Variants in THEMIS observed in about 807,000 individuals in gnomAD.
THEMIS encodes the protein protein THEMIS.
In THEMIS, 37 loss-of-function variants were observed where a neutral mutation model predicts 52.6. The ratio of observed to expected loss-of-function variants is 0.70; its 90% CI spans 0.54 to 0.93. The LOEUF is 0.93. Ranked by LOEUF, THEMIS falls within the 40% of genes least tolerant of loss-of-function variation. THEMIS has a pLI of 0.00. For synonymous variants in THEMIS, 292 were observed against 272.7 expected, an observed-to-expected ratio of 1.07 and a Z score of -0.70; for missense variants, 808 against 763.1, an observed-to-expected ratio of 1.06 and a Z score of -0.69.
intron 1 of THEMIS, among the ~76,000 whole-genome samples, chr6:127,890,038 C>G (rs1281866468): frequency 6.6e-6 from 1 of 152,050 alleles, no homozygotes; most frequent in Admixed American, 6.6e-5. Context: ...CTGCCAAAAT[C>G]AGATTTAGGA....
At chr6:127,738,206 G>A (rs1168513978) in intron 4 of THEMIS, among the ~76,000 whole-genome samples, 2 of 152,066 alleles carry the variant, frequency 1.3e-5, no homozygotes, top group Non-Finnish European at 2.9e-5. Context: ...CAAGAATTCA[G>A]TATAAATTTA....
chr6:127,833,969 A>C (rs1778787388), intron 2 of THEMIS, among the ~76,000 whole-genome samples: 1 of 152,108 alleles, frequency 6.6e-6, no homozygotes, highest in African/African-American at 2.4e-5. Context: ...AAAATCCTCA[A>C]AGTATTGGAA....
chr6:127,756,827 G>GT (rs1175147037), intron 4 of THEMIS, among the ~76,000 whole-genome samples: 1 of 152,036 alleles, frequency 6.6e-6, no homozygotes, highest in Non-Finnish European at 1.5e-5. Context: ...ATCTGGGATT[G>GT]TTTTTTCTGA....
chr6:127,699,495 T>A, the THEMIS span, among the ~76,000 whole-genome samples: 1 of 149,466 alleles, frequency 6.7e-6, no homozygotes, highest in African/African-American at 2.5e-5. Flanking sequence ...TTTCACAGGA[T>A]ACGTTCTTCC....
Position 127,840,953 on chromosome 6 carries a change from G to A in THEMIS, c.251-11019C>T, listed in dbSNP as rs149277549. ...TTACCACGGATTAGAGGAGAGAGGG[G>A]AATGAGTAGGCGGAGCACAAAGGAT... is the stretch of plus-strand genomic sequence containing the variant. On this transcript the variant is annotated intron_variant, in intron 2 of 5. Coordinates refer to ENST00000368248, the MANE Select transcript of THEMIS (RefSeq NM_001010923.3). Among the ~76,000 whole-genome samples the A allele has an allele frequency of 5.3e-4, 81 of 152,156 alleles. 1 individual carries two copies. The highest frequency in any genetic ancestry group is 1.9e-3 in the African/African-American group (78 of 41,552).
the THEMIS span, among the ~76,000 whole-genome samples, chr6:127,699,484 A>G: frequency 4.0e-5 from 6 of 149,780 alleles, no homozygotes; most frequent in Non-Finnish European, 7.4e-5. Context: ...TGGCTCCTGA[A>G]TTTCACAGGA....
intron 1 of THEMIS, among the ~76,000 whole-genome samples, chr6:127,855,471 C>A (rs776134659): frequency 6.6e-6 from 1 of 151,874 alleles, no homozygotes; most frequent in Non-Finnish European, 1.5e-5. Flanking sequence ...CATGGTCAAA[C>A]TACAAACGTA....
At chr6:127,904,164 T>C (rs1399670451), upstream of THEMIS, among the ~76,000 whole-genome samples, 1 of 152,076 alleles carries the variant, frequency 6.6e-6, no homozygotes, top group Non-Finnish European at 1.5e-5. Flanking sequence ...CTTTGGGAAG[T>C]AGCAATTCCT....
At chr6:127,917,519 G>A (rs1052574419) in intron 1 of THEMIS, among the ~76,000 whole-genome samples, 3 of 152,188 alleles carry the variant, frequency 2.0e-5, no homozygotes, top group African/African-American at 4.8e-5. Flanking sequence ...GCAGTGAGAA[G>A]TGCTTCCTTG....
intron 5 of THEMIS, among the ~76,000 whole-genome samples, chr6:127,717,015 C>T (rs571445223): frequency 6.6e-6 from 1 of 151,992 alleles, no homozygotes; most frequent in African/African-American, 2.4e-5. Flanking sequence ...GACAGAAACT[C>T]AGAGACTGAA....
At chr6:127,876,749 G>A (rs1056516346) in intron 1 of THEMIS, among the ~76,000 whole-genome samples, 1 of 152,118 alleles carries the variant, frequency 6.6e-6, no homozygotes, top group Non-Finnish European at 1.5e-5. Flanking sequence ...AAAACTAAAC[G>A]AAAGCAATTA....
At chr6:127,828,210 T>C (rs1160836943) in intron 3 of THEMIS, among the ~76,000 whole-genome samples, 1 of 152,216 alleles carries the variant, frequency 6.6e-6, no homozygotes, top group Non-Finnish European at 1.5e-5. Context: ...AACTATGCGA[T>C]AGGCAGGAGA....
chr6:127,901,107 G>A (rs1254461001), upstream of THEMIS: 3 of 594,868 alleles, frequency 5.0e-6, no homozygotes, highest in Non-Finnish European at 9.0e-6. Flanking sequence ...AATGAAGAGG[G>A]AGGGGGGAAG....
chr6:127,868,094 C>T (rs1780040065), intron 1 of THEMIS, among the ~76,000 whole-genome samples: 1 of 152,090 alleles, frequency 6.6e-6, no homozygotes, highest in Non-Finnish European at 1.5e-5. Context: ...AAAGATAGTG[C>T]CTCAACTTCG....
chr6:127,891,700 C>T (rs1238873492), intron 1 of THEMIS, among the ~76,000 whole-genome samples: 1 of 152,108 alleles, frequency 6.6e-6, no homozygotes, highest in African/African-American at 2.4e-5. Flanking sequence ...TCCACTTTTG[C>T]CTCACTAATG....
chr6:127,752,406 T>A (rs146665122), intron 4 of THEMIS, among the ~76,000 whole-genome samples: 4 of 149,346 alleles, frequency 2.7e-5, no homozygotes, highest in African/African-American at 9.7e-5. Flanking sequence ...AACCTTTAGC[T>A]AGAGTAACTA....
intron 4 of THEMIS, among the ~76,000 whole-genome samples, chr6:127,728,174 T>C (rs967679014): frequency 2.0e-5 from 3 of 152,168 alleles, no homozygotes; most frequent in Non-Finnish European, 2.9e-5. Flanking sequence ...AATCAGAACA[T>C]GGACCTCATT....
At chr6:127,811,917 C>T (rs548851823) in intron 4 of THEMIS, among the ~76,000 whole-genome samples, 9 of 152,252 alleles carry the variant, frequency 5.9e-5, no homozygotes, top group African/African-American at 1.9e-4. Context: ...CTGGATTTCC[C>T]TAGCTACAAT....
chr6:127,787,866 GATAGATAGATAGAT>G (rs1409580359), intron 4 of THEMIS, among the ~76,000 whole-genome samples: 2,916 of 123,850 alleles, frequency 0.024, 34 homozygotes, highest in Non-Finnish European at 0.034. Context: ...TAGATAGATA[GATAGATAGATAGAT>G]ATAGATAGAT....
Sources: gnomAD v4.1 joint callset for allele counts (sites outside exome capture counted in the v4.1 genomes callset) on GRCh38, gnomAD v4.1.1 for gene constraint, MANE v1.5 for transcripts, NCBI Gene and HGNC (gene_info 2026-07-23, HGNC 2026-07-21) for gene names.